The following DPP6 variants were observed in gnomAD, a reference collection of about 807,000 sequenced individuals.
DPP6 encodes A-type potassium channel modulatory protein DPP6.
Under a neutral mutation model 122.6 loss-of-function variants are expected in DPP6, and 69 were observed. The ratio of observed to expected loss-of-function variants is 0.56; its 90% CI spans 0.46 to 0.69. The LOEUF (loss-of-function observed/expected upper bound fraction) is 0.69. Ranked by LOEUF, DPP6 falls within the 30% of genes least tolerant of loss-of-function variation. The probability of loss-of-function intolerance (pLI) is 0.00; values close to 1 mark genes in which losing one functional copy is unlikely to be tolerated. For missense variants in DPP6, 928 were observed against 1,116.9 expected (o/e 0.83, Z 2.41); for synonymous variants, 418 against 433.1 (o/e 0.97, Z 0.43).
chr7:153,773,875 GAAAAT>G, the DPP6 span, among the ~76,000 whole-genome samples: 1 of 145,772 alleles, frequency 6.9e-6, no homozygotes, highest in African/African-American at 2.5e-5. Context: ...AAAAAAAAAA[GAAAAT>G]AAAAAAATCA....
In DPP6 at chr7:153,986,362, C is replaced by T. The variant is rs1019477289; in HGVS notation, c.51+98628C>T. On this transcript the variant is annotated intron_variant, in intron 1 of 25. Coordinates refer to the DPP6 transcript ENST00000404039. ...TTTATGGCTTCTTCTGAACTCCTAC[C>T]GAGACCTGTTCATCTCACATCTTCA... 3.7e-4 allele frequency among the ~76,000 whole-genome samples: 56 copies of T among 151,844 alleles called. 1 individual carries two copies. Among genetic ancestry groups the T allele is most frequent in the Non-Finnish European group, 7.1e-4 (48 of 67,976 alleles).
chr7:154,567,271 GC>G (rs1265109725), intron 5 of DPP6, among the ~76,000 whole-genome samples: 1 of 152,154 alleles, frequency 6.6e-6, no homozygotes, highest in Admixed American at 6.5e-5. Context: ...AAAAGCAACT[GC>G]CAGGTTCTCC....
chr7:153,950,496 G>A (rs1161859575), intron 1 of DPP6, among the ~76,000 whole-genome samples: 2 of 152,158 alleles, frequency 1.3e-5, no homozygotes, highest in African/African-American at 4.8e-5. Flanking sequence ...ATGCTTGTTA[G>A]AAATATGTTT....
At chr7:154,001,523 C>T (rs1226733881) in intron 1 of DPP6, among the ~76,000 whole-genome samples, 2 of 150,986 alleles carry the variant, frequency 1.3e-5, no homozygotes, top group Non-Finnish European at 3.0e-5. Flanking sequence ...ACTCTGCCTC[C>T]CCACCCTCGG....
At chr7:154,423,361 C>A (rs1012291986) in intron 1 of DPP6, among the ~76,000 whole-genome samples, 1 of 152,042 alleles carries the variant, frequency 6.6e-6, no homozygotes, top group Non-Finnish European at 1.5e-5. Flanking sequence ...AGGATTCCAT[C>A]CTCCCACAGA....
chr7:154,486,193 G>A lies in DPP6; in HGVS notation c.457+11156G>A, dbSNP rs28706388. On this transcript the variant is annotated intron_variant, in intron 3 of 25. Transcript: ENST00000377770. The surrounding 1 kb of genome is among the most constrained non-coding windows in gnomAD (Gnocchi z 4.5). ...CTATCGCCCAGGCTGGAGTGCAGTGGCACGATCTCAGCTCACTGCAACCTC... is the reference window on the plus strand; with the variant it reads ...CTATCGCCCAGGCTGGAGTGCAGTGACACGATCTCAGCTCACTGCAACCTC... Among the ~76,000 whole-genome samples, 14,073 of 151,614 alleles carry A rather than the reference G, an allele frequency of 0.093. 1,974 individuals are homozygous for A. Among genetic ancestry groups the A allele is most frequent in the African/African-American group, 0.31 (12,590 of 41,148 alleles).
At chr7:153,749,021 C>T in the DPP6 span, among the ~76,000 whole-genome samples, 1 of 152,100 alleles carries the variant, frequency 6.6e-6, no homozygotes, top group African/African-American at 2.4e-5. This position sits in a 1 kb window ranked among gnomAD's most constrained non-coding sequence, Gnocchi z 4.1. Context: ...AAGGGACCAG[C>T]GACGGAGGGG....
At chr7:154,442,033 C>T (rs1819420899) in intron 1 of DPP6, among the ~76,000 whole-genome samples, 1 of 152,218 alleles carries the variant, frequency 6.6e-6, no homozygotes, top group Non-Finnish European at 1.5e-5. Flanking sequence ...TTACATCTTG[C>T]AGAATCCATT....
chr7:153,971,890 A>T (rs1796036813), intron 1 of DPP6, among the ~76,000 whole-genome samples: 1 of 146,074 alleles, frequency 6.8e-6, no homozygotes, highest in South Asian at 2.3e-4. Context: ...ACCAGGTCTT[A>T]TCTCAATCTC....
intron 14 of DPP6, 122 bp downstream of exon 14, chr7:154,804,077 C>T (rs1275263406): frequency 8.4e-7 from 1 of 1,192,590 alleles, no homozygotes; most frequent in East Asian, 2.6e-5. Flanking sequence ...CCTCAGGCAG[C>T]ATCACTGACT....
intron 7 of DPP6, among the ~76,000 whole-genome samples, chr7:154,677,186 A>G (rs1460897545): frequency 2.0e-5 from 3 of 152,196 alleles, no homozygotes; most frequent in African/African-American, 7.2e-5. Flanking sequence ...TCCCACTTCA[A>G]GTGGACGGAG....
intron 16 of DPP6, among the ~76,000 whole-genome samples, chr7:154,837,093 T>G (rs1389130647): frequency 6.6e-6 from 1 of 152,180 alleles, no homozygotes; most frequent in Non-Finnish European, 1.5e-5. Flanking sequence ...GTGTGCTTAT[T>G]CACACACCTG....
intron 4 of DPP6, among the ~76,000 whole-genome samples, chr7:154,544,717 C>T (rs994270319): frequency 6.6e-6 from 1 of 152,190 alleles, no homozygotes; most frequent in African/African-American, 2.4e-5. Flanking sequence ...AGTCTTATCC[C>T]TCAGGAGTGT....
At chr7:154,562,172 G>A (rs1830464529) in intron 4 of DPP6, among the ~76,000 whole-genome samples, 1 of 152,104 alleles carries the variant, frequency 6.6e-6, no homozygotes, top group Non-Finnish European at 1.5e-5. Context: ...ATTCCCTCAT[G>A]AACACAGATG....
chr7:154,563,529 G>A (rs922302016), intron 4 of DPP6, among the ~76,000 whole-genome samples: 5 of 152,168 alleles, frequency 3.3e-5, no homozygotes, highest in Non-Finnish European at 5.9e-5. Flanking sequence ...CTTAGACAAG[G>A]GTAATGGTGG....
intron 8 of DPP6, among the ~76,000 whole-genome samples, chr7:154,750,856 G>A (rs866528598): frequency 2.6e-5 from 4 of 152,196 alleles, no homozygotes; most frequent in Non-Finnish European, 5.9e-5. Context: ...GAGGCACAGT[G>A]GGAGGCTGCA....
chr7:153,998,742 T>G (rs932932881), intron 1 of DPP6, among the ~76,000 whole-genome samples: 1 of 152,220 alleles, frequency 6.6e-6, no homozygotes, highest in African/African-American at 2.4e-5. Context: ...TTAAAGCTTT[T>G]GTAACAGATG....
the DPP6 span, among the ~76,000 whole-genome samples, chr7:153,773,330 AT>A: frequency 2.0e-4 from 28 of 139,962 alleles, no homozygotes; most frequent in East Asian, 1.3e-3. Context: ...ATATATATAT[AT>A]TTTTTTTTAA....
chr7:154,120,772 G>T (rs1459778560), intron 1 of DPP6, among the ~76,000 whole-genome samples: 5 of 152,192 alleles, frequency 3.3e-5, no homozygotes, highest in Admixed American at 3.3e-4. Flanking sequence ...AAATTCTTGT[G>T]AAATTAAAAA....
Sources: allele counts gnomAD v4.1 joint callset (sites outside exome capture counted in the v4.1 genomes callset), GRCh38; gene constraint gnomAD v4.1.1; non-coding constraint Gnocchi (gnomAD v3.1); transcripts MANE v1.5; gene names NCBI Gene and HGNC (gene_info 2026-07-23, HGNC 2026-07-21).